Variants in NXPH1 observed in about 807,000 individuals in gnomAD.
The protein encoded by NXPH1 is neurexophilin 1, also known as neurexophilin-1.
NXPH1 carries 5 observed loss-of-function variants against 23.7 expected under a neutral mutation model. The ratio of observed to expected loss-of-function variants is 0.21; its 90% confidence interval spans 0.11 to 0.44. NXPH1 has a LOEUF of 0.44. Ranked by LOEUF, NXPH1 falls within the 20% of genes least tolerant of loss-of-function variation. The pLI, the probability that NXPH1 is intolerant of heterozygous loss-of-function variation, is 0.99. For missense variants in NXPH1, 324 were observed against 321.6 expected (o/e 1.01, Z -0.06); for synonymous variants, 144 against 122.2 (o/e 1.18, Z -1.18).
intron 2 of NXPH1, among the ~76,000 whole-genome samples, chr7:8,733,098 G>A (rs1050716907): frequency 7.3e-5 from 11 of 151,566 alleles, no homozygotes; most frequent in East Asian, 3.9e-4. Context: ...CTCATTGTTC[G>A]ACTCCCACTT....
At chr7:8,569,131 A>C (rs1417470404) in intron 2 of NXPH1, among the ~76,000 whole-genome samples, 1 of 151,890 alleles carries the variant, frequency 6.6e-6, no homozygotes, top group Non-Finnish European at 1.5e-5. Flanking sequence ...ACCAGACATT[A>C]TGTGCATTCT....
chr7:8,597,869 T>G (rs973119508), intron 2 of NXPH1, among the ~76,000 whole-genome samples: 1 of 152,104 alleles, frequency 6.6e-6, no homozygotes, highest in African/African-American at 2.4e-5. Context: ...AAATGCCCTT[T>G]TAGCAAACAA....
chr7:8,442,075 G>A lies in NXPH1; in HGVS notation c.54+6308G>A, dbSNP rs947766240. ...GCGTTGGGACGGCACAAGCAGTGGG[G>A]TCCCAGGAGCAGCAAGACAGTAGCT... is the stretch of plus-strand genomic sequence containing the variant. On this transcript the variant is annotated intron_variant, in intron 2 of 2. Transcript: ENST00000405863. The surrounding 1 kb of genome is among the most constrained non-coding windows in gnomAD (Gnocchi z 4.6). Among the ~76,000 whole-genome samples the A allele has an allele frequency of 1.3e-5, 2 of 152,102 alleles. No homozygotes were observed. Among genetic ancestry groups the A allele is most frequent in the Non-Finnish European group, 2.9e-5 (2 of 68,028 alleles).
intron 2 of NXPH1, among the ~76,000 whole-genome samples, chr7:8,491,859 C>T (rs1178582192): frequency 6.6e-6 from 1 of 152,058 alleles, no homozygotes; most frequent in Non-Finnish European, 1.5e-5. Flanking sequence ...TGACTGACTT[C>T]TTCATCTAAA....
chr7:8,494,855 T>A (rs1351414026), intron 2 of NXPH1, among the ~76,000 whole-genome samples: 3 of 152,036 alleles, frequency 2.0e-5, no homozygotes, highest in Non-Finnish European at 4.4e-5. Flanking sequence ...ATTGTGGTGG[T>A]GAGAACATGA....
At chr7:8,745,239 T>C (rs1583258300) in intron 2 of NXPH1, among the ~76,000 whole-genome samples, 1 of 152,184 alleles carries the variant, frequency 6.6e-6, no homozygotes, top group South Asian at 2.1e-4. Context: ...ATAATTATGG[T>C]GTACAGTATA....
intron 2 of NXPH1, among the ~76,000 whole-genome samples, chr7:8,658,492 T>C (rs1271906200): frequency 6.6e-6 from 1 of 152,232 alleles, no homozygotes; most frequent in African/African-American, 2.4e-5. Context: ...GGAAACTTGC[T>C]TCATGTTGAT....
rs140814319 is a variant in NXPH1 at position 8,618,271 on chromosome 7, A to G, written c.55-132737A>G. Among the ~76,000 whole-genome samples the G allele has an allele frequency of 3.4e-3, 521 of 152,224 alleles. 2 individuals are homozygous for G. The highest frequency in any genetic ancestry group is 0.012 in the African/African-American group (490 of 41,550). ...TGGAGGTTAGGAAATACAACATTTA[A>G]TTTGATATTTTCACTCAATTATCTG... is the stretch of plus-strand genomic sequence containing the variant. On this transcript the variant is annotated intron_variant, in intron 2 of 2. Coordinates refer to ENST00000405863, the MANE Select transcript of NXPH1 (RefSeq NM_152745.3).
At chr7:8,456,239 C>T (rs1295816693) in intron 2 of NXPH1, among the ~76,000 whole-genome samples, 3 of 152,134 alleles carry the variant, frequency 2.0e-5, no homozygotes, top group African/African-American at 4.8e-5. Context: ...GAGGGCCTTA[C>T]CTAACAACAC....
chr7:8,704,614 G>C (rs1697291365), intron 2 of NXPH1, among the ~76,000 whole-genome samples: 1 of 152,076 alleles, frequency 6.6e-6, no homozygotes, highest in African/African-American at 2.4e-5. Context: ...ATTAAGGGGA[G>C]ACCATTAGTA....
At chr7:8,641,309 A>C (rs1820307378) in intron 2 of NXPH1, among the ~76,000 whole-genome samples, 2 of 152,190 alleles carry the variant, frequency 1.3e-5, no homozygotes, top group Admixed American at 6.5e-5. Context: ...TTCTCCTTGG[A>C]TTGAAAACCC....
At chr7:8,519,500 T>C (rs1248840136) in intron 2 of NXPH1, among the ~76,000 whole-genome samples, 2 of 152,158 alleles carry the variant, frequency 1.3e-5, no homozygotes, top group African/African-American at 4.8e-5. Context: ...ACACTTAAAC[T>C]AAGGGATTCC....
At chr7:8,450,105 A>G (rs1816479510) in intron 2 of NXPH1, among the ~76,000 whole-genome samples, 1 of 152,230 alleles carries the variant, frequency 6.6e-6, no homozygotes, top group Admixed American at 6.5e-5. Flanking sequence ...TTTAAAAATG[A>G]TACATAACAT....
At chr7:8,499,573 A>G (rs994138572) in intron 2 of NXPH1, among the ~76,000 whole-genome samples, 1 of 152,088 alleles carries the variant, frequency 6.6e-6, no homozygotes, top group Non-Finnish European at 1.5e-5. Flanking sequence ...AAATAAGGGT[A>G]CAAGTAAGTG....
intron 2 of NXPH1, among the ~76,000 whole-genome samples, chr7:8,600,352 T>A (rs1407594291): frequency 6.6e-6 from 1 of 152,184 alleles, no homozygotes; most frequent in East Asian, 1.9e-4. Context: ...CTACTTATGC[T>A]TTTGCCCATT....
At chr7:8,536,522 T>A (rs899466824) in intron 2 of NXPH1, among the ~76,000 whole-genome samples, 1 of 151,964 alleles carries the variant, frequency 6.6e-6, no homozygotes, top group Non-Finnish European at 1.5e-5. Flanking sequence ...ACAAGCTAGT[T>A]GTATTTTTGG....
Position 8,620,947 on chromosome 7 carries a change from A to G in NXPH1, c.55-130061A>G, listed in dbSNP as rs151194807. 7.2e-5 allele frequency among the ~76,000 whole-genome samples: 11 copies of G among 152,282 alleles called. No homozygotes were observed. The East Asian group carries it at 1.5e-3, about 21-fold the overall frequency. On this transcript the variant is annotated intron_variant, in intron 2 of 2. Transcript: ENST00000405863. ...ACCTATGAATAAAAACGCTCTCTCT[A>G]TAAACTTTCACACAATCTAAAGGTG... is the stretch of plus-strand genomic sequence containing the variant.
chr7:8,493,731 A>G (rs1227063528), intron 2 of NXPH1, among the ~76,000 whole-genome samples: 2 of 152,126 alleles, frequency 1.3e-5, no homozygotes, highest in East Asian at 3.9e-4. Context: ...TGTCAAGAAA[A>G]TGTTCCAGTG....
In NXPH1 at chr7:8,622,856, A is replaced by G. The variant is rs573700130; in HGVS notation, c.55-128152A>G. ...TTAAATGAATATTTTGAGGTGGGAC[A>G]TAACTAATATATCATAGGAATATTA... On this transcript the variant is annotated intron_variant, in intron 2 of 2. Transcript: ENST00000405863. Among the ~76,000 whole-genome samples the G allele has an allele frequency of 3.3e-5, 5 of 152,352 alleles. No homozygotes were observed. In the East Asian group the frequency reaches 7.7e-4, roughly 24 times the overall value.
Sources: gnomAD v4.1 joint callset for allele counts (sites outside exome capture counted in the v4.1 genomes callset) on GRCh38, gnomAD v4.1.1 for gene constraint, Gnocchi (gnomAD v3.1) non-coding constraint, MANE v1.5 for transcripts, NCBI Gene and HGNC (gene_info 2026-07-23, HGNC 2026-07-21) for gene names.